The following NUDT3 variants were observed in gnomAD, a reference collection of about 807,000 sequenced individuals.
NUDT3 encodes the protein nudix hydrolase 3.
Under a neutral mutation model 23.6 loss-of-function variants are expected in NUDT3, and 9 were observed. The observed-to-expected ratio is 0.38, with a 90% CI of 0.23 to 0.66. The LOEUF (loss-of-function observed/expected upper bound fraction) is 0.66, where lower values mean the gene tolerates loss of function less well. Among genes scored for constraint, NUDT3 ranks in the 30% least tolerant of loss-of-function variants. The pLI is 0.52. For missense variants in NUDT3, 172 were observed against 218.5 expected (o/e 0.79, Z 1.34); for synonymous variants, 86 against 82.6 (o/e 1.04, Z -0.22).
intron 2 of NUDT3, among the ~76,000 whole-genome samples, chr6:34,305,572 C>T (rs1460202261): frequency 2.0e-5 from 3 of 152,054 alleles, no homozygotes; most frequent in Non-Finnish European, 4.4e-5. Context: ...TTATTTCTGT[C>T]CCTTTACTTC....
chr6:34,283,041 A>G lies in NUDT3; in HGVS notation c.*5712T>C, dbSNP rs1763295401. On this transcript the variant is annotated 3_prime_UTR_variant, in exon 5 of 5. Transcript: ENST00000607016. ...GTCTTATTTTCTAAGACAAGCTCAAAGCTCAAACTCACCAAATTACCACTA... is the reference window on the plus strand; with the variant it reads ...GTCTTATTTTCTAAGACAAGCTCAAGGCTCAAACTCACCAAATTACCACTA... The G allele has an allele frequency of 6.6e-6, 1 of 152,114 alleles. No individual in the cohort carries two copies. The highest frequency in any genetic ancestry group is 6.6e-5 in the Admixed American group (1 of 15,258). 9.4% of individuals were successfully genotyped at this position (152,114 alleles called of 1,614,324 possible).
intron 2 of NUDT3, among the ~76,000 whole-genome samples, chr6:34,327,210 C>A (rs1764051768): frequency 1.3e-5 from 2 of 152,052 alleles, no homozygotes; most frequent in African/African-American, 2.4e-5. Context: ...CAGCATACGT[C>A]AGCGTTTTCT....
At chr6:34,294,366 C>A (rs1763468015) in intron 3 of NUDT3, among the ~76,000 whole-genome samples, 1 of 151,996 alleles carries the variant, frequency 6.6e-6, no homozygotes, top group Non-Finnish European at 1.5e-5. Flanking sequence ...AAGTGATCCT[C>A]CCACTTTGGC....
intron 1 of NUDT3, among the ~76,000 whole-genome samples, chr6:34,354,749 A>ATATATATATATATATATTTATTTATT (rs570166534): frequency 4.4e-4 from 64 of 144,532 alleles, no homozygotes; most frequent in African/African-American, 1.6e-3. Context: ...ATATATATAT[A>ATATATATATATATATATTTATTTATT]TATTTATTTA....
At chr6:34,348,796 CA>C (rs1764422848) in intron 1 of NUDT3, among the ~76,000 whole-genome samples, 1 of 151,166 alleles carries the variant, frequency 6.6e-6, no homozygotes, top group South Asian at 2.1e-4. Context: ...TAGAAAGAAA[CA>C]AAAGAACAAG....
chr6:34,306,631 T>G (rs1478374912), intron 2 of NUDT3, among the ~76,000 whole-genome samples: 1 of 152,252 alleles, frequency 6.6e-6, no homozygotes, highest in East Asian at 1.9e-4. Flanking sequence ...CCTGTCCCAG[T>G]AATTCCACCT....
rs1420841047 is a variant in NUDT3 at position 34,280,397 on chromosome 6, C to T, written c.*8356G>A. On this transcript the variant is annotated 3_prime_UTR_variant, in exon 5 of 5. Transcript: ENST00000607016. Reference sequence around the variant, plus strand: ...CATATAACCACAGGTTGGGTAGCTCCTAAATCCTGGACAGCATTTGGATTG... The same window carrying T: ...CATATAACCACAGGTTGGGTAGCTCTTAAATCCTGGACAGCATTTGGATTG... 1.3e-5 allele frequency: 2 copies of T among 152,248 alleles called. No individual in the cohort carries two copies. Among genetic ancestry groups the T allele is most frequent in the African/African-American group, 4.8e-5 (2 of 41,448 alleles). 9.4% of individuals were successfully genotyped at this position (152,248 alleles called of 1,614,324 possible). A position where few individuals can be genotyped will look rare whatever the true frequency, so the allele number is the denominator to read the frequency against.
In NUDT3 at chr6:34,353,463, A is replaced by T. The variant is rs188028294; in HGVS notation, c.100-11491T>A. 1.2e-3 allele frequency among the ~76,000 whole-genome samples: 178 copies of T among 147,772 alleles called. 1 individual carries two copies. In the East Asian group the frequency reaches 0.013, roughly 11 times the overall value. ...GTATTTTTTTTTTTTTTTTTGAGAC[A>T]AGAGTCTTGTTCACTACAACCTCCA... On this transcript the variant is annotated intron_variant, in intron 1 of 4. Coordinates refer to ENST00000607016, the MANE Select transcript of NUDT3 (RefSeq NM_006703.4).
chr6:34,302,312 C>A (rs1234235652), intron 2 of NUDT3, among the ~76,000 whole-genome samples: 1 of 152,052 alleles, frequency 6.6e-6, no homozygotes, highest in Admixed American at 6.6e-5. Flanking sequence ...TGCTCTGTGG[C>A]AAATATTTTC....
intron 2 of NUDT3, among the ~76,000 whole-genome samples, chr6:34,328,284 C>T (rs76537863): frequency 0.022 from 3,385 of 152,168 alleles, 68 homozygotes; most frequent in Non-Finnish European, 0.032. Flanking sequence ...GTCTAACTGA[C>T]AAATAAAAAT....
At chr6:34,331,790 T>C (rs985663074) in intron 2 of NUDT3, among the ~76,000 whole-genome samples, 3 of 152,338 alleles carry the variant, frequency 2.0e-5, no homozygotes, top group South Asian at 2.1e-4. Context: ...CTAAACAATA[T>C]AGTATAACTA....
rs919780539 is a variant in NUDT3 at position 34,323,544 on chromosome 6, G to T, written c.210+18318C>A. On this transcript the variant is annotated intron_variant, in intron 2 of 4. Coordinates refer to ENST00000607016, the MANE Select transcript of NUDT3 (RefSeq NM_006703.4). ...ATTGCACCACTGTACTCCAGCCTGG[G>T]TAACACAAGGAGATCCTGTCTCAAA... Among the ~76,000 whole-genome samples the T allele has an allele frequency of 4.6e-5, 7 of 151,904 alleles. No individual in the cohort carries two copies. In the East Asian group the frequency reaches 1.2e-3, roughly 25 times the overall value.
chr6:34,352,829 A>G (rs1314954193), intron 1 of NUDT3, among the ~76,000 whole-genome samples: 7 of 152,168 alleles, frequency 4.6e-5, no homozygotes, highest in Non-Finnish European at 1.0e-4. Flanking sequence ...CAGTCACATA[A>G]ATGCAATGAA....
At chr6:34,315,794 A>AT in intron 2 of NUDT3, among the ~76,000 whole-genome samples, 1 of 152,338 alleles carries the variant, frequency 6.6e-6, no homozygotes, top group Middle Eastern at 3.4e-3. Flanking sequence ...CACAACAGGC[A>AT]TACTACCTTA....
chr6:34,293,986 C>A (rs1763462520), intron 3 of NUDT3, among the ~76,000 whole-genome samples: 1 of 152,018 alleles, frequency 6.6e-6, no homozygotes, highest in South Asian at 2.1e-4. Context: ...TTCCCACTAA[C>A]CCCACTTACC....
intron 1 of NUDT3, among the ~76,000 whole-genome samples, chr6:34,347,782 G>GT (rs1764400118): frequency 6.6e-6 from 1 of 152,140 alleles, no homozygotes; most frequent in Admixed American, 6.6e-5. Flanking sequence ...CAAAAAAAGA[G>GT]TAATTATACG....
intron 2 of NUDT3, among the ~76,000 whole-genome samples, chr6:34,298,409 A>C (rs1763547767): frequency 6.6e-6 from 1 of 152,218 alleles, no homozygotes; most frequent in Non-Finnish European, 1.5e-5. Flanking sequence ...GTTTAATAAT[A>C]GTAACCTCTG....
chr6:34,316,649 G>A (rs1763866247), intron 2 of NUDT3, among the ~76,000 whole-genome samples: 2 of 152,170 alleles, frequency 1.3e-5, no homozygotes, highest in South Asian at 2.1e-4. Context: ...CAGGTTTAAT[G>A]TAAGATTGTA....
intron 2 of NUDT3, among the ~76,000 whole-genome samples, chr6:34,328,061 T>C (rs1764069064): frequency 6.6e-6 from 1 of 152,250 alleles, no homozygotes; most frequent in African/African-American, 2.4e-5. Context: ...ATCATCTCTA[T>C]ATCTAATTTG....
Sources: gnomAD v4.1 joint callset for allele counts (sites outside exome capture counted in the v4.1 genomes callset) on GRCh38, gnomAD v4.1.1 for gene constraint, MANE v1.5 for transcripts, NCBI Gene and HGNC (gene_info 2026-07-23, HGNC 2026-07-21) for gene names.